DAB1: variants seen among roughly 807,000 people sequenced by gnomAD.
The protein encoded by DAB1 is disabled homolog 1.
DAB1 carries 15 observed loss-of-function variants against 64.6 expected under a neutral mutation model. The ratio of observed to expected loss-of-function variants is 0.23; its 90% CI spans 0.16 to 0.36. The LOEUF (loss-of-function observed/expected upper bound fraction) is 0.36. Among genes scored for constraint, DAB1 ranks in the 10% least tolerant of loss-of-function variants. The pLI is 1.00. For missense variants in DAB1, 596 were observed against 706.7 expected (o/e 0.84, Z 1.78); for synonymous variants, 235 against 251.9 (o/e 0.93, Z 0.64).
At chr1:58,525,601 G>A (rs959627452) in intron 2 of DAB1, among the ~76,000 whole-genome samples, 1 of 152,008 alleles carries the variant, frequency 6.6e-6, no homozygotes, top group South Asian at 2.1e-4. Flanking sequence ...CATATTTATG[G>A]ATGGGAAGAA....
intron 5 of DAB1, among the ~76,000 whole-genome samples, chr1:57,976,516 G>A (rs991483819): frequency 8.5e-5 from 13 of 152,222 alleles, no homozygotes; most frequent in African/African-American, 2.2e-4. Context: ...TTTCCCCAGC[G>A]TCTGGTTGGT....
intron 9 of DAB1, among the ~76,000 whole-genome samples, chr1:57,058,934 T>A (rs1650109491): frequency 6.6e-6 from 1 of 152,208 alleles, no homozygotes; most frequent in Admixed American, 6.5e-5. Context: ...ATGGTTCACA[T>A]GAATATGTTA....
intron 2 of DAB1, among the ~76,000 whole-genome samples, chr1:57,174,193 C>A: frequency 6.6e-6 from 1 of 152,164 alleles, no homozygotes; most frequent in East Asian, 1.9e-4. Flanking sequence ...CACTGGCCTT[C>A]CAGACTTGCT....
chr1:58,236,148 C>T (rs964730959), intron 4 of DAB1, among the ~76,000 whole-genome samples: 4 of 150,518 alleles, frequency 2.7e-5, no homozygotes, highest in Admixed American at 6.6e-5. Flanking sequence ...TCACCTACCT[C>T]GTACTGCTCT....
chr1:57,086,459 CT>C (rs960192293), intron 4 of DAB1, among the ~76,000 whole-genome samples: 1 of 152,082 alleles, frequency 6.6e-6, no homozygotes, highest in Non-Finnish European at 1.5e-5. Flanking sequence ...AGCAACTGTT[CT>C]TTTTCTCTGG....
At chr1:57,056,333 TAAAAA>T (rs903018252) in intron 9 of DAB1, among the ~76,000 whole-genome samples, 2 of 117,308 alleles carry the variant, frequency 1.7e-5, no homozygotes, top group African/African-American at 6.6e-5. Context: ...TCCTCATCTT[TAAAAA>T]AAAAAAAAAA....
intron 5 of DAB1, among the ~76,000 whole-genome samples, chr1:58,006,310 T>C (rs1254522278): frequency 2.0e-5 from 3 of 152,168 alleles, no homozygotes; most frequent in Non-Finnish European, 4.4e-5. Context: ...AGTTTCCTCA[T>C]GGGTAAAAGC....
intron 7 of DAB1, among the ~76,000 whole-genome samples, chr1:57,541,089 T>C (rs1644797309): frequency 6.6e-6 from 1 of 151,906 alleles, no homozygotes; most frequent in African/African-American, 2.4e-5. Flanking sequence ...ATGTGCCCCA[T>C]AGATATGTAC....
chr1:58,313,542 C>T (rs1369744657), intron 4 of DAB1, among the ~76,000 whole-genome samples: 1 of 152,174 alleles, frequency 6.6e-6, no homozygotes, highest in Non-Finnish European at 1.5e-5. Flanking sequence ...GAGGATAAGA[C>T]ATTCATTTAC....
chr1:57,056,738 C>CTT (rs1469753529), intron 9 of DAB1, among the ~76,000 whole-genome samples: 2 of 151,896 alleles, frequency 1.3e-5, no homozygotes, highest in Non-Finnish European at 2.9e-5. Flanking sequence ...GTGGTGCACG[C>CTT]CTGCAATCCC....
At chr1:58,222,315 C>G (rs1659216687) in intron 4 of DAB1, among the ~76,000 whole-genome samples, 1 of 152,008 alleles carries the variant, frequency 6.6e-6, no homozygotes, top group African/African-American at 2.4e-5. Flanking sequence ...TTACATGACT[C>G]TCTCCTCCCA....
intron 3 of DAB1, among the ~76,000 whole-genome samples, chr1:58,408,959 T>C (rs550326696): frequency 6.6e-6 from 1 of 152,296 alleles, no homozygotes; most frequent in East Asian, 1.9e-4. Flanking sequence ...AAGAGATGAA[T>C]TAGATACAAA....
At chr1:58,364,622 A>G (rs1474304885) in intron 3 of DAB1, among the ~76,000 whole-genome samples, 3 of 152,240 alleles carry the variant, frequency 2.0e-5, no homozygotes, top group Non-Finnish European at 4.4e-5. Flanking sequence ...TGTAAGTTAT[A>G]TACCACATTG....
chr1:58,545,530 A>T (rs529615996), intron 1 of DAB1, among the ~76,000 whole-genome samples: 1 of 152,296 alleles, frequency 6.6e-6, no homozygotes, highest in Non-Finnish European at 1.5e-5. Flanking sequence ...ATCAGGGCTG[A>T]CATATTCTCT....
intron 3 of DAB1, among the ~76,000 whole-genome samples, chr1:58,396,834 G>A (rs934313067): frequency 2.0e-5 from 3 of 152,092 alleles, no homozygotes; most frequent in African/African-American, 7.2e-5. Flanking sequence ...AGGCCAAGGC[G>A]GGCGGATCAT....
At chr1:57,409,748 G>T (rs1403290693) in intron 1 of DAB1, among the ~76,000 whole-genome samples, 1 of 152,198 alleles carries the variant, frequency 6.6e-6, no homozygotes, top group East Asian at 1.9e-4. Context: ...GGTAGAGGTT[G>T]CAGTGAGCTG....
intron 2 of DAB1, among the ~76,000 whole-genome samples, chr1:57,266,125 G>A (rs559661378): frequency 6.6e-5 from 10 of 152,274 alleles, no homozygotes; most frequent in African/African-American, 1.4e-4. Flanking sequence ...GGGAAGAACC[G>A]CACTGAGGGA....
chr1:57,004,740 A>G (rs1022236012), intron 14 of DAB1, among the ~76,000 whole-genome samples: 4 of 152,186 alleles, frequency 2.6e-5, no homozygotes, highest in Non-Finnish European at 5.9e-5. Context: ...AAATAACTCA[A>G]AGTTCTATCT....
At chr1:58,376,356 C>A (rs976987764) in intron 3 of DAB1, among the ~76,000 whole-genome samples, 11 of 137,024 alleles carry the variant, frequency 8.0e-5, no homozygotes, top group Admixed American at 3.6e-4. Flanking sequence ...TTGAATGTGT[C>A]CCAGAGATTC....
Sources: allele counts gnomAD v4.1 joint callset (sites outside exome capture counted in the v4.1 genomes callset), GRCh38; gene constraint gnomAD v4.1.1; transcripts MANE v1.5; gene names NCBI Gene and HGNC (gene_info 2026-07-23, HGNC 2026-07-21).